DLGAP1: variants seen among roughly 807,000 people sequenced by gnomAD.
The protein encoded by DLGAP1 is DLG associated protein 1.
In DLGAP1, 11 loss-of-function variants were observed where a neutral mutation model predicts 90.8. The observed-to-expected ratio is 0.12, with a 90% CI of 0.08 to 0.20. DLGAP1 has a LOEUF of 0.20. Ranked by LOEUF, DLGAP1 falls within the 10% of genes least tolerant of loss-of-function variation. The pLI is 1.00. For missense variants in DLGAP1, 1,050 were observed against 1,333.8 expected (o/e 0.79, Z 3.31); for synonymous variants, 558 against 540.7 (o/e 1.03, Z -0.44).
At chr18:3,605,188 A>C (rs1412672314) in intron 7 of DLGAP1, among the ~76,000 whole-genome samples, 1 of 152,140 alleles carries the variant, frequency 6.6e-6, no homozygotes, top group Non-Finnish European at 1.5e-5. Flanking sequence ...CAACCCATCA[A>C]GTTCCCTGGG....
intron 7 of DLGAP1, among the ~76,000 whole-genome samples, chr18:3,720,896 A>AAGAAAAAAG (rs1555641011): frequency 7.9e-6 from 1 of 125,796 alleles, no homozygotes; most frequent in Non-Finnish European, 1.6e-5. Context: ...TACAAAAAAA[A>AAGAAAAAAG]AAAAAAAAAA....
chr18:4,206,392 G>A (rs1343962404), intron 1 of DLGAP1, among the ~76,000 whole-genome samples: 1 of 152,052 alleles, frequency 6.6e-6, no homozygotes, highest in Non-Finnish European at 1.5e-5. Flanking sequence ...ACTCCATTTT[G>A]CTACCAAACC....
chr18:4,104,950 A>G (rs2075835380), intron 2 of DLGAP1, among the ~76,000 whole-genome samples: 1 of 152,220 alleles, frequency 6.6e-6, no homozygotes, highest in Admixed American at 6.5e-5. Context: ...CAAACAGACA[A>G]TGGAAATGCC....
intron 2 of DLGAP1, among the ~76,000 whole-genome samples, chr18:4,055,707 G>A (rs140559792): frequency 0.016 from 2,424 of 152,234 alleles, 36 homozygotes; most frequent in South Asian, 0.028. Flanking sequence ...CCCTGGGAGC[G>A]ACCTGGCACT....
intron 2 of DLGAP1, among the ~76,000 whole-genome samples, chr18:4,091,854 T>C (rs1258951846): frequency 6.6e-6 from 1 of 151,922 alleles, no homozygotes; most frequent in African/African-American, 2.4e-5. Context: ...ATCTAGGTCA[T>C]ATTTGAGTCT....
chr18:3,692,004 T>C (rs1180295345), intron 7 of DLGAP1, among the ~76,000 whole-genome samples: 1 of 152,220 alleles, frequency 6.6e-6, no homozygotes, highest in Non-Finnish European at 1.5e-5. Flanking sequence ...ATAGAAAATC[T>C]TGAATCCACG....
rs530733974 is a variant in DLGAP1 at position 3,568,847 on chromosome 18, T to C, written c.1966-1266A>G. On this transcript the variant is annotated intron_variant, in intron 8 of 12. Coordinates refer to ENST00000315677, the MANE Select transcript of DLGAP1 (RefSeq NM_004746.4). ...GACTACAGGTGCCCGCCACCACGCC[T>C]GGCTAATTTTTTATATTTTTAGTAG... is the stretch of plus-strand genomic sequence containing the variant. Among the ~76,000 whole-genome samples, 19 of 151,816 alleles carry C rather than the reference T, an allele frequency of 1.3e-4. 1 individual carries two copies. The highest frequency in any genetic ancestry group is 6.3e-4 in the South Asian group (3 of 4,794).
intron 12 of DLGAP1, 45 bp downstream of exon 12, chr18:3,502,448 T>C: frequency 1.2e-6 from 2 of 1,613,024 alleles, no homozygotes; most frequent in Non-Finnish European, 1.7e-6. Context: ...GTCCAGTGTT[T>C]GTGCAGGTTT....
chr18:4,171,233 T>C (rs973674799), intron 1 of DLGAP1, among the ~76,000 whole-genome samples: 3 of 152,054 alleles, frequency 2.0e-5, no homozygotes, highest in African/African-American at 4.8e-5. Context: ...CCTCTTTAAT[T>C]GTTAAAGATA....
At chr18:4,227,671 A>AC (rs2078220250) in intron 1 of DLGAP1, among the ~76,000 whole-genome samples, 1 of 151,794 alleles carries the variant, frequency 6.6e-6, no homozygotes, top group Admixed American at 6.6e-5. Flanking sequence ...AACACAATAT[A>AC]CAAAACCTAT....
chr18:3,697,653 G>A (rs2061140571), intron 7 of DLGAP1, among the ~76,000 whole-genome samples: 1 of 152,152 alleles, frequency 6.6e-6, no homozygotes, highest in South Asian at 2.1e-4. Context: ...TGAGAAGAAT[G>A]TATATTCTGT....
intron 4 of DLGAP1, among the ~76,000 whole-genome samples, chr18:3,832,520 A>C (rs1229518464): frequency 1.3e-5 from 2 of 152,218 alleles, no homozygotes; most frequent in Non-Finnish European, 2.9e-5. Context: ...AGACTAAAAA[A>C]TTCTGAATCA....
At chr18:4,381,860 G>A (rs2082127233) in intron 1 of DLGAP1, among the ~76,000 whole-genome samples, 1 of 152,114 alleles carries the variant, frequency 6.6e-6, no homozygotes, top group Admixed American at 6.6e-5. Context: ...AGAAAATGAG[G>A]TTTAGGACTC....
At chr18:3,741,590 T>C (rs2063048598) in intron 6 of DLGAP1, among the ~76,000 whole-genome samples, 1 of 151,632 alleles carries the variant, frequency 6.6e-6, no homozygotes, top group Non-Finnish European at 1.5e-5. Flanking sequence ...ACCATCACCA[T>C]CACCACCATC....
At chr18:3,762,533 T>TC (rs397771007) in intron 5 of DLGAP1, among the ~76,000 whole-genome samples, 1 of 152,118 alleles carries the variant, frequency 6.6e-6, no homozygotes, top group African/African-American at 2.4e-5. Flanking sequence ...GATTTTTTTT[T>TC]CACAAATTGC....
chr18:3,693,434 T>G (rs1285438373), intron 7 of DLGAP1, among the ~76,000 whole-genome samples: 1 of 152,238 alleles, frequency 6.6e-6, no homozygotes, highest in Non-Finnish European at 1.5e-5. Flanking sequence ...TCTCCTTCCA[T>G]GTACACTAAT....
chr18:3,993,154 A>T (rs1699703973), intron 3 of DLGAP1: 1 of 151,816 alleles, frequency 6.6e-6, no homozygotes, highest in Admixed American at 6.6e-5. Context: ...TGATGTGGGT[A>T]CCCAAGCAGG....
At chr18:4,188,492 T>G (rs1039793648) in intron 1 of DLGAP1, among the ~76,000 whole-genome samples, 4 of 151,958 alleles carry the variant, frequency 2.6e-5, no homozygotes, top group African/African-American at 9.7e-5. Context: ...CAAGGCCCAG[T>G]GTGTGTTGTT....
At chr18:3,706,847 G>A (rs757148164) in intron 7 of DLGAP1, among the ~76,000 whole-genome samples, 2 of 151,952 alleles carry the variant, frequency 1.3e-5, no homozygotes, top group African/African-American at 4.8e-5. Flanking sequence ...AATACGTCCT[G>A]GTAGAAAAAA....
Sources: allele counts gnomAD v4.1 joint callset (sites outside exome capture counted in the v4.1 genomes callset), GRCh38; gene constraint gnomAD v4.1.1; transcripts MANE v1.5; gene names NCBI Gene and HGNC (gene_info 2026-07-23, HGNC 2026-07-21).